SERPINF1: variants seen among roughly 807,000 people sequenced by gnomAD.
SERPINF1 encodes serpin family F member 1.
In SERPINF1, 29 loss-of-function variants were observed where a neutral mutation model predicts 37.3. That is an observed-to-expected ratio of 0.78 (90% confidence interval 0.58 to 1.06). The LOEUF is 1.06. SERPINF1 is among the 50% of genes least tolerant of loss of function. The pLI is 0.00. For synonymous variants in SERPINF1, 281 were observed against 227.9 expected (o/e 1.23, Z -2.10); for missense variants, 553 against 532.2 (o/e 1.04, Z -0.38).
rs149346193 is a variant in SERPINF1, at chr17:1,775,638, G to C, written c.786+438G>C. On this transcript the variant is annotated intron_variant, in intron 6 of 7. Coordinates refer to ENST00000254722, the MANE Select transcript of SERPINF1 (RefSeq NM_002615.7). The stretch of plus-strand genomic sequence containing the variant: ...GCTCACCACAACCTCCGCCCCGCTG[G>C]GTTAAAGCGATTCTCTTGCCTCAGC... Among the ~76,000 whole-genome samples the C allele has an allele frequency of 0.024, 3,623 of 151,844 alleles. 74 individuals are homozygous for C. Among genetic ancestry groups the C allele is most frequent in the Non-Finnish European group, 0.036 (2,443 of 67,966 alleles).
Position 1,769,822 on chromosome 17 carries a change from T to A in SERPINF1, c.85-30T>A, listed in dbSNP as rs191436825. ...TGTGCATCTCTGCGAGTCCCTGAAC[T>A]CAAACCCAAGACTTCCTGTCTCCTG... On this transcript the variant is annotated intron_variant, in intron 2 of 7. Coordinates refer to ENST00000254722, the MANE Select transcript of SERPINF1 (RefSeq NM_002615.7). 2.5e-6 allele frequency: 4 copies of A among 1,613,628 alleles called. No individual in the cohort carries two copies. The East Asian group carries it at 8.9e-5, about 36-fold the overall frequency.
chr17:1,776,439 C>T (rs1375052080), intron 6 of SERPINF1, 93 bp from the exon 7 acceptor site: 2 of 1,109,886 alleles, frequency 1.8e-6, no homozygotes, highest in Non-Finnish European at 1.4e-6. Flanking sequence ...GACCAGGGCC[C>T]CGTCACGGGA....
intron 4 of SERPINF1, among the ~76,000 whole-genome samples, chr17:1,771,431 G>A (rs1907732833): frequency 6.6e-6 from 1 of 151,918 alleles, no homozygotes; most frequent in Non-Finnish European, 1.5e-5. Context: ...GCAGAGACGG[G>A]GTTTCACCGT....
At chr17:1,772,777 A>T (rs925488539) in intron 5 of SERPINF1, among the ~76,000 whole-genome samples, 6 of 125,976 alleles carry the variant, frequency 4.8e-5, no homozygotes, top group African/African-American at 1.8e-4. Context: ...CGATCTCCTG[A>T]CCTCGTGATC....
intron 4 of SERPINF1, 128 bp downstream of exon 4, chr17:1,771,312 G>A (rs1274566870): frequency 2.7e-5 from 25 of 934,380 alleles, no homozygotes; most frequent in Non-Finnish European, 3.4e-5. Flanking sequence ...GCAGTGGCGT[G>A]ATCTCGGCTC....
At position 1,770,119 on chromosome 17, in the gene SERPINF1, G is replaced by A; in HGVS notation, c.283+69G>A. 2.6e-6 allele frequency: 4 copies of A among 1,547,636 alleles called. No homozygotes were observed. In the South Asian group the frequency reaches 3.4e-5, roughly 13 times the overall value. On this transcript the variant is annotated intron_variant, in intron 3 of 7. Transcript: ENST00000254722. ...CCCCCTGTGGCCTCTGCGTAAACGT[G>A]GCTGAGTTTATTGACATTTCAGTTC...
intron 1 of SERPINF1, among the ~76,000 whole-genome samples, chr17:1,764,460 G>A (rs1907253385): frequency 6.6e-6 from 1 of 152,218 alleles, no homozygotes; most frequent in Admixed American, 6.5e-5. Context: ...TTGTCTACAC[G>A]AAAGTTTTCT....
chr17:1,770,874 T>A, intron 3 of SERPINF1, 155 bp from the exon 4 acceptor site: 1 of 936,404 alleles, frequency 1.1e-6, no homozygotes, highest in African/African-American at 1.6e-5. Context: ...TCTCTAAGGA[T>A]GAAAATTCCT....
intron 5 of SERPINF1, among the ~76,000 whole-genome samples, chr17:1,773,397 C>T (rs1907857625): frequency 6.6e-6 from 1 of 152,178 alleles, no homozygotes; most frequent in African/African-American, 2.4e-5. Flanking sequence ...AGGCGCCCGC[C>T]ACCACACCCA....
At position 1,777,175 on chromosome 17, in the gene SERPINF1, C is replaced by G. The variant is rs747767464; in HGVS notation, c.998-12C>G. 8 of 1,613,962 alleles carry G rather than the reference C, an allele frequency of 5.0e-6. No individual in the cohort carries two copies. Among genetic ancestry groups the G allele is most frequent in the Non-Finnish European group, 6.8e-6 (8 of 1,180,030 alleles). On this transcript the variant is annotated splice_polypyrimidine_tract_variant and intron_variant, in intron 7 of 7. Coordinates refer to ENST00000254722, the MANE Select transcript of SERPINF1 (RefSeq NM_002615.7). Reference sequence around the variant, plus strand: ...GCAGGGTTTTAACGGAAATCTCTCTCCATCTCTACAGAGCTGCAATCCTTG... The same window carrying G: ...GCAGGGTTTTAACGGAAATCTCTCTGCATCTCTACAGAGCTGCAATCCTTG...
chr17:1,769,006 C>A (rs1459699883), intron 2 of SERPINF1, among the ~76,000 whole-genome samples: 1 of 150,954 alleles, frequency 6.6e-6, no homozygotes, highest in Non-Finnish European at 1.5e-5. Context: ...CGGGTTTCAC[C>A]GTGTTGCCCA....
At chr17:1,767,035 C>A (rs1401405229) in intron 2 of SERPINF1, 41 bp downstream of exon 2, 2 of 1,510,270 alleles carry the variant, frequency 1.3e-6, no homozygotes, top group Non-Finnish European at 1.8e-6. Context: ...GCATTCCCCG[C>A]CCCTCCTTGG....
At position 1,775,133 on chromosome 17, in the gene SERPINF1, G is replaced by A. The variant is rs771081056; in HGVS notation, c.719G>A (p.Arg240Lys). 2.5e-6 allele frequency: 4 copies of A among 1,614,136 alleles called. No homozygotes were observed. Among genetic ancestry groups the A allele is most frequent in the Non-Finnish European group, 3.4e-6 (4 of 1,180,034 alleles). ...DFYLDEERTVRVPMMSDPKAV... is the reference protein window; with the variant it reads ...DFYLDEERTVKVPMMSDPKAV... Reference sequence around the variant, plus strand: ...TACTTGGATGAAGAGAGGACCGTGAGGGTCCCCATGATGTCGGACCCTAAG... The same window carrying A: ...TACTTGGATGAAGAGAGGACCGTGAAGGTCCCCATGATGTCGGACCCTAAG... Residue 240 changes from arginine to lysine, a missense_variant, in exon 6 of 8, where the codon AGG becomes AAG. By Grantham distance (26) the Arg-to-Lys change is conservative (BLOSUM62 2). Transcript: ENST00000254722.
Position 1,771,884 on chromosome 17 carries a change from A to C in SERPINF1, c.452A>C (p.Lys151Thr). ...CGCCTCTTCTCAGAGCTGCGCATAA[A>C]ATCCAGCTTTGTGGCACCTCTGGAA... ...RIVFEKKLRIKSSFVAPLEKS... is the reference protein window; with the variant it reads ...RIVFEKKLRITSSFVAPLEKS... Residue 151 changes from lysine to threonine, a missense_variant, in exon 5 of 8, where the codon AAA becomes ACA. Physicochemically the swap from Lys to Thr is moderately conservative, Grantham distance 78. Coordinates refer to ENST00000254722, the MANE Select transcript of SERPINF1 (RefSeq NM_002615.7). 1 of 1,612,996 alleles carries C rather than the reference A, an allele frequency of 6.2e-7. No homozygotes were observed. Among genetic ancestry groups the C allele is most frequent in the Non-Finnish European group, 8.5e-7 (1 of 1,179,896 alleles).
chr17:1,772,252 G>A lies in SERPINF1; in HGVS notation c.643+177G>A, dbSNP rs539078607. On this transcript the variant is annotated intron_variant, in intron 5 of 7. Transcript: ENST00000254722. Reference sequence around the variant, plus strand: ...GTGCCTCAGCCTCCCGAGTAGCTGGGATTACAGGGATGTACCACCACTCCC... The same window carrying A: ...GTGCCTCAGCCTCCCGAGTAGCTGGAATTACAGGGATGTACCACCACTCCC... Among the ~76,000 whole-genome samples the A allele has an allele frequency of 4.4e-3, 671 of 152,014 alleles. 2 individuals carry two copies. The highest frequency in any genetic ancestry group is 7.3e-3 in the Non-Finnish European group (496 of 67,988).
chr17:1,763,551 AGGG>A (rs569482824), intron 1 of SERPINF1, among the ~76,000 whole-genome samples: 1 of 152,204 alleles, frequency 6.6e-6, no homozygotes, highest in Non-Finnish European at 1.5e-5. Context: ...CACTGTGGAC[AGGG>A]TATTGCGTGT....
chr17:1,770,299 G>A (rs1907650566), intron 3 of SERPINF1, among the ~76,000 whole-genome samples: 1 of 152,170 alleles, frequency 6.6e-6, no homozygotes, highest in Non-Finnish European at 1.5e-5. Flanking sequence ...TATTGACACA[G>A]TGACTTCAAG....
chr17:1,766,783 G>T (rs1907404972), intron 1 of SERPINF1, 120 bp from the exon 2 acceptor site: 1 of 913,416 alleles, frequency 1.1e-6, no homozygotes, highest in African/African-American at 1.6e-5. Flanking sequence ...GCTGCAGGGG[G>T]TGGGGGAAAG....
At chr17:1,764,565 T>C (rs1907260361) in intron 1 of SERPINF1, among the ~76,000 whole-genome samples, 1 of 152,268 alleles carries the variant, frequency 6.6e-6, no homozygotes, top group Admixed American at 6.5e-5. Context: ...ACCAGGCTGC[T>C]TCCTGCTGCC....
Sources: gnomAD v4.1 joint callset for allele counts (sites outside exome capture counted in the v4.1 genomes callset) on GRCh38, gnomAD v4.1.1 for gene constraint, MANE v1.5 for transcripts, NCBI Gene and HGNC (gene_info 2026-07-23, HGNC 2026-07-21) for gene names.